STARD13: variants seen among roughly 807,000 people sequenced by gnomAD.
The protein encoded by STARD13 is stAR-related lipid transfer protein 13.
In STARD13, 62 loss-of-function variants were observed where a neutral mutation model predicts 106.4. The observed-to-expected ratio is 0.58, with a 90% CI of 0.48 to 0.72. STARD13 has a LOEUF of 0.72. Among genes scored for constraint, STARD13 ranks in the 30% least tolerant of loss-of-function variants. STARD13 has a pLI of 0.00. For synonymous variants in STARD13, 565 were observed against 553.0 expected, an observed-to-expected ratio of 1.02 and a Z score of -0.31; for missense variants, 1,387 against 1,424.0, an observed-to-expected ratio of 0.97 and a Z score of 0.42.
At chr13:33,202,062 A>C (rs1887077425) in intron 1 of STARD13, among the ~76,000 whole-genome samples, 1 of 152,224 alleles carries the variant, frequency 6.6e-6, no homozygotes. Flanking sequence ...TAGGAGAATT[A>C]CTGGATCAGA....
the STARD13 span, among the ~76,000 whole-genome samples, chr13:33,628,183 A>ACC: frequency 2.7e-5 from 4 of 145,780 alleles, no homozygotes; most frequent in Non-Finnish European, 4.4e-5. Flanking sequence ...ACACACACAC[A>ACC]CACACACACC....
At chr13:33,250,065 C>G (rs1444784695) in intron 1 of STARD13, among the ~76,000 whole-genome samples, 1 of 152,128 alleles carries the variant, frequency 6.6e-6, no homozygotes, top group Non-Finnish European at 1.5e-5. Context: ...GTTGGGATTA[C>G]AGGCATGAGA....
chr13:33,113,555 A>G (rs1283171437), intron 8 of STARD13: 2 of 516,484 alleles, frequency 3.9e-6, no homozygotes, highest in Non-Finnish European at 7.7e-6. Flanking sequence ...TTTTTCCTAC[A>G]AATCTCCCAG....
chr13:33,567,014 T>C, the STARD13 span, among the ~76,000 whole-genome samples: 3 of 148,266 alleles, frequency 2.0e-5, no homozygotes, highest in Non-Finnish European at 4.5e-5. Flanking sequence ...AGCATGCCCT[T>C]CTAATATTCC....
At chr13:33,167,003 C>CAAAAAAAAAAAA (rs139921719) in intron 2 of STARD13, among the ~76,000 whole-genome samples, 1 of 126,766 alleles carries the variant, frequency 7.9e-6, no homozygotes, top group African/African-American at 2.9e-5. Context: ...CAAAAAAAAA[C>CAAAAAAAAAAAA]AAAAAAAAAA....
chr13:33,361,131 C>T, the STARD13 span, among the ~76,000 whole-genome samples: 2 of 151,200 alleles, frequency 1.3e-5, no homozygotes, highest in East Asian at 3.9e-4. Flanking sequence ...AACAGTTACA[C>T]TGAGTGTGCC....
chr13:33,639,969 A>G, the STARD13 span, among the ~76,000 whole-genome samples: 1 of 152,186 alleles, frequency 6.6e-6, no homozygotes, highest in Non-Finnish European at 1.5e-5. Flanking sequence ...TTCTCTCGAC[A>G]TTGGGTAGAG....
At chr13:33,281,404 A>ATGTGTGTG (rs201534271) in intron 1 of STARD13, 93 of 140,866 alleles carry the variant, frequency 6.6e-4, no homozygotes, top group South Asian at 3.9e-3. Flanking sequence ...GGTTTTCCAA[A>ATGTGTGTG]TATGTGTGTG....
Position 33,250,377 on chromosome 13 carries a change from G to A in STARD13, c.169+35093C>T, listed in dbSNP as rs1365038976. 2.6e-5 allele frequency among the ~76,000 whole-genome samples: 4 copies of A among 152,296 alleles called. No individual in the cohort carries two copies. In the East Asian group the frequency reaches 7.7e-4, roughly 29 times the overall value. On this transcript the variant is annotated intron_variant, in intron 1 of 13. Coordinates refer to ENST00000336934, the MANE Select transcript of STARD13 (RefSeq NM_178006.4). Reference sequence around the variant, plus strand: ...GTGTGTGTCTCTCACCTTCTACCAAGGGAAATATATAATTCTGGAGAATTT... The same window carrying A: ...GTGTGTGTCTCTCACCTTCTACCAAAGGAAATATATAATTCTGGAGAATTT...
the STARD13 span, among the ~76,000 whole-genome samples, chr13:33,440,467 T>C: frequency 6.6e-6 from 1 of 151,862 alleles, no homozygotes; most frequent in East Asian, 1.9e-4. Context: ...TCCTTCCTTC[T>C]GCAACTTTAT....
the STARD13 span, among the ~76,000 whole-genome samples, chr13:33,620,010 T>A: frequency 6.6e-6 from 1 of 152,010 alleles, no homozygotes; most frequent in African/African-American, 2.4e-5. Context: ...TGAGCTAAGA[T>A]CGTGCCACTA....
At chr13:33,335,139 T>C (rs959348618) in intron 1 of STARD13, 2 of 152,210 alleles carry the variant, frequency 1.3e-5, no homozygotes, top group African/African-American at 4.8e-5. Flanking sequence ...ATGTTTCCTA[T>C]CCTCATTTGT....
the STARD13 span, among the ~76,000 whole-genome samples, chr13:33,521,552 C>T: frequency 1.3e-5 from 2 of 152,010 alleles, no homozygotes; most frequent in Admixed American, 1.3e-4. Context: ...TGCCTGTTTA[C>T]ATGTTACCAT....
chr13:33,265,743 C>T (rs1389961083), intron 1 of STARD13, among the ~76,000 whole-genome samples: 1 of 151,832 alleles, frequency 6.6e-6, no homozygotes, highest in East Asian at 1.9e-4. Flanking sequence ...TATATGATTC[C>T]AGTGAAATTT....
At chr13:33,194,367 G>A (rs1264615472) in intron 1 of STARD13, among the ~76,000 whole-genome samples, 2 of 152,012 alleles carry the variant, frequency 1.3e-5, no homozygotes, top group Non-Finnish European at 2.9e-5. Context: ...ATTCTGCTAT[G>A]AAATTCAGTT....
chr13:33,611,781 G>T, the STARD13 span, among the ~76,000 whole-genome samples: 1 of 152,178 alleles, frequency 6.6e-6, no homozygotes, highest in Non-Finnish European at 1.5e-5. Context: ...TCTTAACTGA[G>T]TTGATCAGTG....
the STARD13 span, among the ~76,000 whole-genome samples, chr13:33,421,586 C>T: frequency 6.6e-6 from 1 of 152,218 alleles, no homozygotes; most frequent in East Asian, 1.9e-4. Context: ...TCCTCCCTAA[C>T]TCATTTTATG....
At chr13:33,205,114 C>T (rs956775832) in intron 1 of STARD13, among the ~76,000 whole-genome samples, 10 of 152,130 alleles carry the variant, frequency 6.6e-5, no homozygotes, top group East Asian at 3.9e-4. Context: ...TGACATCGAA[C>T]GCAAACCACT....
chr13:33,267,949 T>C (rs541006551), intron 1 of STARD13, among the ~76,000 whole-genome samples: 7 of 152,256 alleles, frequency 4.6e-5, no homozygotes, highest in East Asian at 1.9e-4. Context: ...GTTGGGACCA[T>C]GTATTATTAG....
Sources: gnomAD v4.1 joint callset for allele counts (sites outside exome capture counted in the v4.1 genomes callset) on GRCh38, gnomAD v4.1.1 for gene constraint, MANE v1.5 for transcripts, NCBI Gene and HGNC (gene_info 2026-07-23, HGNC 2026-07-21) for gene names.